Variants in KIF13B observed in about 807,000 individuals in gnomAD.
The protein encoded by KIF13B is kinesin-like protein KIF13B.
KIF13B carries 127 observed loss-of-function variants against 222.0 expected under a neutral mutation model. The observed-to-expected ratio is 0.57, with a 90% CI of 0.50 to 0.66. The LOEUF (loss-of-function observed/expected upper bound fraction) is 0.66. Ranked by LOEUF, KIF13B falls within the 30% of genes least tolerant of loss-of-function variation. The pLI, the probability that KIF13B is intolerant of heterozygous loss-of-function variation, is 0.00. For missense variants in KIF13B, 2,173 were observed against 2,379.0 expected, an observed-to-expected ratio of 0.91 and a Z score of 1.80; for synonymous variants, 976 against 919.0, an observed-to-expected ratio of 1.06 and a Z score of -1.12.
At chr8:29,241,252 T>C (rs1314958990) in intron 2 of KIF13B, among the ~76,000 whole-genome samples, 1 of 152,202 alleles carries the variant, frequency 6.6e-6, no homozygotes, top group African/African-American at 2.4e-5. Flanking sequence ...ATCTCACATC[T>C]ACAGAGACAG....
chr8:29,231,069 A>G (rs1326453367), intron 2 of KIF13B, among the ~76,000 whole-genome samples: 1 of 152,014 alleles, frequency 6.6e-6, no homozygotes, highest in African/African-American at 2.4e-5. Context: ...TTGTAGAGAC[A>G]GGGTTTCACC....
intron 2 of KIF13B, among the ~76,000 whole-genome samples, chr8:29,239,196 C>A (rs764849521): frequency 4.6e-5 from 7 of 152,184 alleles, no homozygotes. Flanking sequence ...AATGGACTCA[C>A]ACTTGACCAA....
At chr8:29,137,707 A>T (rs946359893) in intron 21 of KIF13B, among the ~76,000 whole-genome samples, 3 of 152,180 alleles carry the variant, frequency 2.0e-5, no homozygotes, top group Non-Finnish European at 4.4e-5. Context: ...ATGCCAGTAT[A>T]TGGTCTCTAA....
chr8:29,125,050 C>CA (rs1287716009), intron 26 of KIF13B, among the ~76,000 whole-genome samples: 1 of 151,974 alleles, frequency 6.6e-6, no homozygotes, highest in Non-Finnish European at 1.5e-5. Flanking sequence ...ACTCTGTCTC[C>CA]AAAAAACAAA....
intron 2 of KIF13B, among the ~76,000 whole-genome samples, chr8:29,204,487 G>T (rs566864777): frequency 2.0e-4 from 31 of 152,130 alleles, no homozygotes; most frequent in Admixed American, 3.3e-4. Flanking sequence ...TGAGGTGGGA[G>T]GATTGCTTGA....
At chr8:29,099,914 T>C (rs1808712859) in intron 35 of KIF13B, among the ~76,000 whole-genome samples, 1 of 152,308 alleles carries the variant, frequency 6.6e-6, no homozygotes, top group East Asian at 1.9e-4. Context: ...TGCCTCAAGA[T>C]ACCCTTTTTC....
intron 37 of KIF13B, among the ~76,000 whole-genome samples, chr8:29,088,766 C>T (rs1808159206): frequency 1.3e-5 from 2 of 152,048 alleles, no homozygotes; most frequent in South Asian, 2.1e-4. Context: ...CTTCAGAGTA[C>T]AACAAGTGAA....
intron 1 of KIF13B, among the ~76,000 whole-genome samples, chr8:29,257,112 A>G (rs978038316): frequency 1.3e-5 from 2 of 152,206 alleles, no homozygotes; most frequent in Non-Finnish European, 2.9e-5. Flanking sequence ...AAAAGCATTG[A>G]ACTCCATTGC....
chr8:29,179,617 G>A (rs368614148), intron 8 of KIF13B, among the ~76,000 whole-genome samples: 226 of 152,326 alleles, frequency 1.5e-3, no homozygotes, highest in African/African-American at 5.3e-3. Context: ...AGGCTGGAAC[G>A]CAAAAGCAGA....
chr8:29,127,049 T>G (rs1318120017), intron 25 of KIF13B, 73 bp downstream of exon 25: 2 of 1,378,592 alleles, frequency 1.5e-6, no homozygotes, highest in East Asian at 2.3e-5. Flanking sequence ...AAAAGTAGTT[T>G]CGTACGGGTT....
At chr8:29,255,500 C>A (rs1463529333) in intron 1 of KIF13B, among the ~76,000 whole-genome samples, 1 of 152,084 alleles carries the variant, frequency 6.6e-6, no homozygotes, top group East Asian at 1.9e-4. Flanking sequence ...TTATTCTCTT[C>A]CTCCCATATT....
intron 37 of KIF13B, among the ~76,000 whole-genome samples, chr8:29,088,861 T>G (rs1048204469): frequency 3.9e-5 from 6 of 152,378 alleles, no homozygotes; most frequent in Non-Finnish European, 8.8e-5. Flanking sequence ...AAAGTTTTCT[T>G]GACATTATCA....
chr8:29,190,827 C>G, intron 4 of KIF13B, 170 bp downstream of exon 4: 1 of 662,936 alleles, frequency 1.5e-6, no homozygotes, highest in Non-Finnish European at 2.8e-6. Flanking sequence ...GGAAAACTCC[C>G]CCAACATTTG....
intron 29 of KIF13B, 59 bp downstream of exon 29, chr8:29,122,532 A>G (rs1809918421): frequency 7.2e-7 from 1 of 1,390,196 alleles, no homozygotes; most frequent in African/African-American, 1.4e-5. Context: ...TGGAATCTAC[A>G]TGTTATGTAG....
chr8:29,143,735 A>G (rs991213006), intron 18 of KIF13B, among the ~76,000 whole-genome samples: 2 of 152,094 alleles, frequency 1.3e-5, no homozygotes, highest in African/African-American at 4.8e-5. Context: ...AGTCCCAGCT[A>G]TTCAGGAGGC....
chr8:29,244,649 G>C (rs952897576), intron 2 of KIF13B, among the ~76,000 whole-genome samples: 13 of 152,226 alleles, frequency 8.5e-5, no homozygotes, highest in African/African-American at 3.1e-4. Flanking sequence ...CTGCTTTCCA[G>C]GTCTTCTGTA....
intron 2 of KIF13B, among the ~76,000 whole-genome samples, chr8:29,231,429 A>G (rs1815280952): frequency 6.6e-6 from 1 of 152,184 alleles, no homozygotes. Flanking sequence ...AATCCCCCAA[A>G]GAAGAGGGCA....
intron 2 of KIF13B, among the ~76,000 whole-genome samples, chr8:29,232,906 C>T (rs979251165): frequency 6.6e-6 from 1 of 152,104 alleles, no homozygotes; most frequent in African/African-American, 2.4e-5. Flanking sequence ...CCTGTAATCC[C>T]AGCACTTTCG....
In KIF13B at chr8:29,150,283, G is replaced by C. The variant is rs371958603; in HGVS notation, c.1622+14C>G. On this transcript the variant is annotated intron_variant, in intron 15 of 39. Coordinates refer to ENST00000524189, the MANE Select transcript of KIF13B (RefSeq NM_015254.4). ...CTTCAACAATCTCTTTAAGGGACAT[G>C]AACAACATCATACCTGAAGAAATGA... is the stretch of plus-strand genomic sequence containing the variant. The C allele has an allele frequency of 1.3e-4, 190 of 1,450,728 alleles. No homozygotes were observed. The Middle Eastern group carries it at 1.7e-3, about 13-fold the overall frequency. The allele number at this position is 1,450,728 out of a possible 1,614,324, so 89.9% of individuals were successfully genotyped here. A position where few individuals can be genotyped will look rare whatever the true frequency, so the allele number is the denominator to read the frequency against.
Sources: allele counts gnomAD v4.1 joint callset (sites outside exome capture counted in the v4.1 genomes callset), GRCh38; gene constraint gnomAD v4.1.1; transcripts MANE v1.5; gene names NCBI Gene and HGNC (gene_info 2026-07-23, HGNC 2026-07-21).